Variants in ACTN2 observed in about 807,000 individuals in gnomAD.
ACTN2 encodes alpha-actinin-2.
In ACTN2, 39 loss-of-function variants were observed where a neutral mutation model predicts 113.8. That is an observed-to-expected ratio of 0.34 (90% confidence interval 0.27 to 0.45). The LOEUF is 0.45. Ranked by LOEUF, ACTN2 falls within the 20% of genes least tolerant of loss-of-function variation. The probability of loss-of-function intolerance (pLI) is 1.00; values close to 1 mark genes in which losing one functional copy is unlikely to be tolerated. For synonymous variants in ACTN2, 429 were observed against 444.1 expected, an observed-to-expected ratio of 0.97 and a Z score of 0.43; for missense variants, 992 against 1,177.9, an observed-to-expected ratio of 0.84 and a Z score of 2.31.
rs376754306 is a variant in ACTN2, at chr1:236,724,008, T to C, written c.449-1925T>C. ...CAAGACTTACTAGAAATTGTTGTAGTCTTTCCAGGCCTTTATAAAAACATG... is the reference window on the plus strand; with the variant it reads ...CAAGACTTACTAGAAATTGTTGTAGCCTTTCCAGGCCTTTATAAAAACATG... On this transcript the variant is annotated intron_variant, in intron 4 of 20. Transcript: ENST00000366578. 5.7e-4 allele frequency among the ~76,000 whole-genome samples: 87 copies of C among 152,320 alleles called. No homozygotes were observed. The East Asian group carries it at 0.014, about 25-fold the overall frequency.
intron 4 of ACTN2, 102 bp from the exon 5 acceptor site, chr1:236,725,831 T>C: frequency 2.0e-6 from 2 of 1,001,010 alleles, no homozygotes; most frequent in South Asian, 1.3e-5. Context: ...AGAGACCCCC[T>C]GGGTGATCGA....
intron 1 of ACTN2, among the ~76,000 whole-genome samples, chr1:236,715,746 A>C (rs368652438): frequency 1.3e-5 from 2 of 152,156 alleles, no homozygotes; most frequent in Non-Finnish European, 2.9e-5. Context: ...ACCTGAAGTC[A>C]GGAGTTTAAG....
chr1:236,742,958 C>T lies in ACTN2; in HGVS notation c.1170C>T (p.Leu390=). Residue 390 remains leucine (L), a synonymous_variant, in exon 11 of 21, where the codon CTC becomes CTT. Transcript: ENST00000366578. ...QAEKGYEEWL[L]NEIRRLERLE... is the part of the protein sequence containing the mutation. Reference sequence around the variant, plus strand: ...AGAAGGGTTACGAGGAGTGGTTGCTCAATGAGATTCGGAGACTGGAGCGCT... The same window carrying T: ...AGAAGGGTTACGAGGAGTGGTTGCTTAATGAGATTCGGAGACTGGAGCGCT... The T allele has an allele frequency of 2.5e-6, 4 of 1,614,106 alleles. No individual in the cohort carries two copies. Among genetic ancestry groups the T allele is most frequent in the Non-Finnish European group, 3.4e-6 (4 of 1,180,030 alleles).
At chr1:236,735,309 G>A (rs1314219459) in intron 7 of ACTN2, among the ~76,000 whole-genome samples, 2 of 152,136 alleles carry the variant, frequency 1.3e-5, no homozygotes, top group East Asian at 1.9e-4. Flanking sequence ...CACGAGGAAG[G>A]GGTAACAAGC....
chr1:236,760,380 A>G (rs1329408642), intron 19 of ACTN2, among the ~76,000 whole-genome samples: 1 of 152,250 alleles, frequency 6.6e-6, no homozygotes, highest in Non-Finnish European at 1.5e-5. Context: ...TAACTCACGT[A>G]CTACGGTTTA....
intron 15 of ACTN2, among the ~76,000 whole-genome samples, chr1:236,753,436 G>C (rs1659460251): frequency 6.6e-6 from 1 of 152,110 alleles, no homozygotes; most frequent in Non-Finnish European, 1.5e-5. Flanking sequence ...AGTATGGAAT[G>C]TCTATGATTT....
At chr1:236,760,872 G>A in intron 19 of ACTN2, 143 bp from the exon 20 acceptor site, 1 of 1,085,784 alleles carries the variant, frequency 9.2e-7, no homozygotes, top group Non-Finnish European at 1.4e-6. Flanking sequence ...GGGGAATCTT[G>A]TCCAAAGACT....
In ACTN2 at chr1:236,742,888, C is replaced by G; in HGVS notation, c.1108-8C>G. 1 of 1,614,180 alleles carries G rather than the reference C, an allele frequency of 6.2e-7. No individual in the cohort carries two copies. Among genetic ancestry groups the G allele is most frequent in the Non-Finnish European group, 8.5e-7 (1 of 1,180,028 alleles). ...ACATTTGCTTCCCTTGGCTTCCAAC[C>G]ATCCCAGGATATTGCTGGTGCCTGG... On this transcript the variant is annotated splice_polypyrimidine_tract_variant and splice_region_variant and intron_variant, in intron 10 of 20. Transcript: ENST00000366578.
At chr1:236,689,617 T>C (rs1380389633) in intron 1 of ACTN2, among the ~76,000 whole-genome samples, 3 of 152,126 alleles carry the variant, frequency 2.0e-5, no homozygotes, top group African/African-American at 7.2e-5. Context: ...CTTCTTAAAG[T>C]GCTGATACTA....
intron 1 of ACTN2, among the ~76,000 whole-genome samples, chr1:236,707,001 CA>C (rs1334076981): frequency 6.6e-6 from 1 of 152,186 alleles, no homozygotes; most frequent in African/African-American, 2.4e-5. Context: ...CTTCCTTTTG[CA>C]ATGGAAAGCA....
At chr1:236,755,631 A>AGAGT (rs1553304532) in intron 17 of ACTN2, among the ~76,000 whole-genome samples, 1 of 148,292 alleles carries the variant, frequency 6.7e-6, no homozygotes, top group African/African-American at 2.5e-5. Context: ...GAATCCTGAT[A>AGAGT]ATATACTGCA....
chr1:236,747,524 A>G lies in ACTN2; in HGVS notation c.1407-143A>G, dbSNP rs896944755. 4.2e-6 allele frequency: 3 copies of G among 716,214 alleles called. No homozygotes were observed. In the African/African-American group the frequency reaches 5.3e-5, roughly 13 times the overall value. 44.4% of individuals were successfully genotyped at this position (716,214 alleles called of 1,614,324 possible). ...TCACCCTTCTGAGCCTCCACTGTCTATCAGCCCACTCTCTATGTCCATGTG... is the reference window on the plus strand; with the variant it reads ...TCACCCTTCTGAGCCTCCACTGTCTGTCAGCCCACTCTCTATGTCCATGTG... On this transcript the variant is annotated intron_variant, in intron 12 of 20. Transcript: ENST00000366578.
At chr1:236,704,859 G>T (rs1657780123) in intron 1 of ACTN2, among the ~76,000 whole-genome samples, 1 of 152,182 alleles carries the variant, frequency 6.6e-6, no homozygotes, top group Non-Finnish European at 1.5e-5. Context: ...TGGACAAAAA[G>T]GCTGTGATCT....
intron 9 of ACTN2, 150 bp from the exon 10 acceptor site, chr1:236,739,152 C>T (rs1199908234): frequency 3.7e-5 from 31 of 831,370 alleles, no homozygotes; most frequent in East Asian, 5.1e-5. Context: ...CTGAACATCT[C>T]GTTCATGCCT....
intron 17 of ACTN2, among the ~76,000 whole-genome samples, chr1:236,756,875 G>A (rs371455116): frequency 5.6e-5 from 1 of 17,834 alleles, no homozygotes; most frequent in East Asian, 2.0e-3. Flanking sequence ...CAGAGTGCCC[G>A]CTGCCACCGT....
intron 18 of ACTN2, among the ~76,000 whole-genome samples, 192 bp downstream of exon 18, chr1:236,757,824 G>A (rs1176294561): frequency 1.3e-5 from 2 of 152,194 alleles, no homozygotes; most frequent in Non-Finnish European, 2.9e-5. Context: ...GTGACACAAA[G>A]TCCAGGTTTG....
chr1:236,691,973 G>C (rs1451451409), intron 1 of ACTN2, among the ~76,000 whole-genome samples: 2 of 152,274 alleles, frequency 1.3e-5, no homozygotes, highest in Non-Finnish European at 2.9e-5. Context: ...GCTAAGGTGA[G>C]TGCAGACTTC....
intron 1 of ACTN2, among the ~76,000 whole-genome samples, chr1:236,690,809 TGG>T (rs1558219060): frequency 6.6e-6 from 1 of 152,118 alleles, no homozygotes; most frequent in Non-Finnish European, 1.5e-5. Flanking sequence ...AATTCAGTGG[TGG>T]TACGTCTATT....
At chr1:236,719,929 G>A (rs1440538700) in intron 3 of ACTN2, among the ~76,000 whole-genome samples, 176 bp from the exon 4 acceptor site, 1 of 152,036 alleles carries the variant, frequency 6.6e-6, no homozygotes, top group East Asian at 1.9e-4. Context: ...GAGACATTTG[G>A]TTATGAATAC....
Sources: allele counts gnomAD v4.1 joint callset (sites outside exome capture counted in the v4.1 genomes callset), GRCh38; gene constraint gnomAD v4.1.1; transcripts MANE v1.5; gene names NCBI Gene and HGNC (gene_info 2026-07-23, HGNC 2026-07-21).